Variants in C1orf74 observed in about 807,000 individuals in gnomAD.
C1orf74 encodes UPF0739 protein C1orf74.
C1orf74 carries 5 observed loss-of-function variants against 7.3 expected under a neutral mutation model. The ratio of observed to expected loss-of-function variants is 0.68; its 90% confidence interval spans 0.36 to 1.44. The LOEUF is 1.44. Among genes scored for constraint, C1orf74 ranks in the 40% most tolerant of loss-of-function variants. The probability of loss-of-function intolerance (pLI) is 0.04; values close to 1 mark genes in which losing one functional copy is unlikely to be tolerated. For synonymous variants in C1orf74, 121 were observed against 132.5 expected (o/e 0.91, Z 0.59); for missense variants, 291 against 314.3 (o/e 0.93, Z 0.56).
At position 209,782,105 on chromosome 1, in the gene C1orf74, C is replaced by G; in HGVS notation, c.*720G>C. ...GTGCTGATGGTGGTGATTGCTGCAGCACTGGCAGTGTTCCTGGCCAATAAA... is the reference window on the plus strand; with the variant it reads ...GTGCTGATGGTGGTGATTGCTGCAGGACTGGCAGTGTTCCTGGCCAATAAA... On this transcript the variant is annotated 3_prime_UTR_variant, in exon 2 of 2. Coordinates refer to ENST00000294811, the MANE Select transcript of C1orf74 (RefSeq NM_152485.4). 1 of 1,614,130 alleles carries G rather than the reference C, an allele frequency of 6.2e-7. No individual in the cohort carries two copies. The highest frequency in any genetic ancestry group is 8.5e-7 in the Non-Finnish European group (1 of 1,179,996).
Position 209,779,570 on chromosome 1 carries a change from G to A in C1orf74, c.*3255C>T. On this transcript the variant is annotated 3_prime_UTR_variant, in exon 2 of 2. Coordinates refer to ENST00000294811, the MANE Select transcript of C1orf74 (RefSeq NM_152485.4). Reference sequence around the variant, plus strand: ...CAACTAGTTAGCCTTCTATCTTGAGGTATATAAACTGTGAAAAAGGGTTTC... The same window carrying A: ...CAACTAGTTAGCCTTCTATCTTGAGATATATAAACTGTGAAAAAGGGTTTC... The A allele has an allele frequency of 1.4e-6, 1 of 694,670 alleles. No individual in the cohort carries two copies. The highest frequency in any genetic ancestry group is 2.7e-6 in the Non-Finnish European group (1 of 375,026). 43.0% of individuals were successfully genotyped at this position (694,670 alleles called of 1,614,324 possible). A position where few individuals can be genotyped will look rare whatever the true frequency, so the allele number is the denominator to read the frequency against.
In C1orf74 at chr1:209,781,384, G is replaced by A. The variant is rs750146479; in HGVS notation, c.*1441C>T. ...TTCAGAATTAGACAACCTCAGTGAC[G>A]AGTATCTCTCCTGCCTGCGTAAGCT... is the stretch of plus-strand genomic sequence containing the variant. On this transcript the variant is annotated 3_prime_UTR_variant, in exon 2 of 2. Transcript: ENST00000294811. 4.5e-5 allele frequency: 72 copies of A among 1,613,382 alleles called. No individual in the cohort carries two copies. Among genetic ancestry groups the A allele is most frequent in the Admixed American group, 1.0e-4 (6 of 59,994 alleles).
In C1orf74 at chr1:209,781,419, T is replaced by G. The variant is rs2077777390; in HGVS notation, c.*1406A>C. 1 of 1,613,572 alleles carries G rather than the reference T, an allele frequency of 6.2e-7. No homozygotes were observed. Among genetic ancestry groups the G allele is most frequent in the African/African-American group, 1.3e-5 (1 of 75,044 alleles). On this transcript the variant is annotated 3_prime_UTR_variant, in exon 2 of 2. Coordinates refer to ENST00000294811, the MANE Select transcript of C1orf74 (RefSeq NM_152485.4). ...CCTGCCTGCGTAAGCTGCAGCACTG[T>G]CGAGAAGAGCTGAACCAGAGCCAGC...
At position 209,781,078 on chromosome 1, in the gene C1orf74, CA is replaced by C. The variant is rs2077768406; in HGVS notation, c.*1746del. On this transcript the variant is annotated 3_prime_UTR_variant, in exon 2 of 2. Transcript: ENST00000294811. ...TTCATTTTTCGGTGTCTCTCATTTG[CA>C]AAGCACTTGCACGTAAAGTCATATA... The C allele has an allele frequency of 4.3e-6, 1 of 233,014 alleles. No individual in the cohort carries two copies. Among genetic ancestry groups the C allele is most frequent in the Non-Finnish European group, 8.5e-6 (1 of 117,376 alleles). 14.4% of individuals were successfully genotyped at this position (233,014 alleles called of 1,614,324 possible). A position where few individuals can be genotyped will look rare whatever the true frequency, so the allele number is the denominator to read the frequency against.
chr1:209,783,793 T>C, intron 1 of C1orf74, 84 bp from the exon 2 acceptor site: 1 of 618,216 alleles, frequency 1.6e-6, no homozygotes, highest in African/African-American at 1.9e-5. Context: ...TGTCCCTCCC[T>C]GCTTTGAAAT....
Position 209,781,474 on chromosome 1 carries a change from CT to C in C1orf74, c.*1350del. ...GCCTCCCAGAGTAAGAGGGTCTCTC[CT>C]TCCCATAAAGCCCTGGATGATGGGA... On this transcript the variant is annotated 3_prime_UTR_variant, in exon 2 of 2. Coordinates refer to ENST00000294811, the MANE Select transcript of C1orf74 (RefSeq NM_152485.4). 1 of 1,582,992 alleles carries C rather than the reference CT, an allele frequency of 6.3e-7. No homozygotes were observed. The highest frequency in any genetic ancestry group is 8.7e-7 in the Non-Finnish European group (1 of 1,152,274).
rs1571968601 is a variant in C1orf74 at position 209,780,413 on chromosome 1, G to A, written c.*2412C>T. On this transcript the variant is annotated 3_prime_UTR_variant, in exon 2 of 2. Transcript: ENST00000294811. ...CCACTCCTAGTGGTTTCACCCTCAGGGCCCTTCCTCAGAGGTGTGGGCCTC... is the reference window on the plus strand; with the variant it reads ...CCACTCCTAGTGGTTTCACCCTCAGAGCCCTTCCTCAGAGGTGTGGGCCTC... The A allele has an allele frequency of 2.1e-6, 3 of 1,433,212 alleles. No homozygotes were observed. The highest frequency in any genetic ancestry group is 2.8e-6 in the Non-Finnish European group (3 of 1,080,638). 88.8% of individuals were successfully genotyped at this position (1,433,212 alleles called of 1,614,324 possible).
Position 209,780,392 on chromosome 1 carries a change from T to C in C1orf74, c.*2433A>G. On this transcript the variant is annotated 3_prime_UTR_variant, in exon 2 of 2. Transcript: ENST00000294811. ...CCCAAGTTCCCTCCCCTCTCCCCAC[T>C]CCTAGTGGTTTCACCCTCAGGGCCC... 7.4e-7 allele frequency: 1 copy of C among 1,359,396 alleles called. No homozygotes were observed. Among genetic ancestry groups the C allele is most frequent in the Admixed American group, 2.7e-5 (1 of 37,212 alleles). The allele number at this position is 1,359,396 out of a possible 1,614,324, so 84.2% of individuals were successfully genotyped here. A position where few individuals can be genotyped will look rare whatever the true frequency, so the allele number is the denominator to read the frequency against.
chr1:209,779,958 A>C lies in C1orf74; in HGVS notation c.*2867T>G. On this transcript the variant is annotated 3_prime_UTR_variant, in exon 2 of 2. Transcript: ENST00000294811. ...GGTGACACAAACTAACAACACAGCT[A>C]TAACAACAATCCAAAACTTCTGACT... The C allele has an allele frequency of 6.1e-6, 1 of 164,056 alleles. No homozygotes were observed. The highest frequency in any genetic ancestry group is 1.3e-5 in the Non-Finnish European group (1 of 75,578). 10.2% of individuals were successfully genotyped at this position (164,056 alleles called of 1,614,324 possible).
In C1orf74 at chr1:209,779,655, G is replaced by T; in HGVS notation, c.*3170C>A. On this transcript the variant is annotated 3_prime_UTR_variant, in exon 2 of 2. Coordinates refer to ENST00000294811, the MANE Select transcript of C1orf74 (RefSeq NM_152485.4). ...TTTCAATAAATTTATTTTGAACTCA[G>T]GATTTCATGTCAATTTTTACACACT... 1 of 601,292 alleles carries T rather than the reference G, an allele frequency of 1.7e-6. No homozygotes were observed. 37.2% of individuals were successfully genotyped at this position (601,292 alleles called of 1,614,324 possible).
Position 209,781,559 on chromosome 1 carries a change from G to A in C1orf74, c.*1266C>T. 1 of 805,246 alleles carries A rather than the reference G, an allele frequency of 1.2e-6. No homozygotes were observed. The highest frequency in any genetic ancestry group is 2.1e-6 in the Non-Finnish European group (1 of 475,024). The allele number at this position is 805,246 out of a possible 1,614,324, so 49.9% of individuals were successfully genotyped here. A position where few individuals can be genotyped will look rare whatever the true frequency, so the allele number is the denominator to read the frequency against. On this transcript the variant is annotated 3_prime_UTR_variant, in exon 2 of 2. Transcript: ENST00000294811. ...ATATATCAGCCCACGCCAACAACTG[G>A]CCATCCTGTCCCACTGTGCTTGGTT...
In C1orf74 at chr1:209,780,510, C is replaced by G. The variant is rs147808288; in HGVS notation, c.*2315G>C. 2 of 1,600,536 alleles carry G rather than the reference C, an allele frequency of 1.2e-6. No individual in the cohort carries two copies. The highest frequency in any genetic ancestry group is 1.7e-6 in the Non-Finnish European group (2 of 1,173,086). Reference sequence around the variant, plus strand: ...TGTGGAGTCCAAAGTCCTTCCCTAACGAAGTGGAGCCTGAGGGTACAGGGA... The same window carrying G: ...TGTGGAGTCCAAAGTCCTTCCCTAAGGAAGTGGAGCCTGAGGGTACAGGGA... On this transcript the variant is annotated 3_prime_UTR_variant, in exon 2 of 2. Transcript: ENST00000294811.
At position 209,781,461 on chromosome 1, in the gene C1orf74, A is replaced by G. The variant is rs768790789; in HGVS notation, c.*1364T>C. On this transcript the variant is annotated 3_prime_UTR_variant, in exon 2 of 2. Coordinates refer to ENST00000294811, the MANE Select transcript of C1orf74 (RefSeq NM_152485.4). ...AGAGCCAGCAGCTGCCTCCCAGAGT[A>G]AGAGGGTCTCTCCTTCCCATAAAGC... is the stretch of plus-strand genomic sequence containing the variant. The G allele has an allele frequency of 4.4e-6, 7 of 1,607,268 alleles. No homozygotes were observed. The East Asian group carries it at 1.6e-4, about 36-fold the overall frequency.
At position 209,783,240 on chromosome 1, in the gene C1orf74, A is replaced by G. The variant is rs923385440; in HGVS notation, c.395T>C (p.Leu132Pro). 6.2e-7 allele frequency: 1 copy of G among 1,614,152 alleles called. No homozygotes were observed. The highest frequency in any genetic ancestry group is 8.5e-7 in the Non-Finnish European group (1 of 1,180,022). The change falls in exon 2 of 2, where the codon CTT becomes CCT. Residue 132 changes from leucine to proline, a missense_variant. By Grantham distance (98) the Leu-to-Pro change is moderately conservative. Coordinates refer to ENST00000294811, the MANE Select transcript of C1orf74 (RefSeq NM_152485.4). ...AGCCACGAGGGCCTTCAAGTCCTGA[A>G]GCTGGTCCAGGGAGCAGACAGAAGG... ...RHPSVCSLDQ[L>P]QDLKALVAEI...
At position 209,780,208 on chromosome 1, in the gene C1orf74, ACTAT is replaced by A. The variant is rs1382156063; in HGVS notation, c.*2613_*2616del. 1 of 260,336 alleles carries A rather than the reference ACTAT, an allele frequency of 3.8e-6. No homozygotes were observed. The highest frequency in any genetic ancestry group is 7.2e-6 in the Non-Finnish European group (1 of 139,504). 16.1% of individuals were successfully genotyped at this position (260,336 alleles called of 1,614,324 possible). ...ATTCAATTAAGAAGTATTCACTAAA[ACTAT>A]CTAGCACTAGATAAGACTGGGGATA... is the stretch of plus-strand genomic sequence containing the variant. On this transcript the variant is annotated 3_prime_UTR_variant, in exon 2 of 2. Coordinates refer to ENST00000294811, the MANE Select transcript of C1orf74 (RefSeq NM_152485.4).
In C1orf74 at chr1:209,780,345, A is replaced by T; in HGVS notation, c.*2480T>A. Reference sequence around the variant, plus strand: ...AACCTTTATGTCAGAGAATGCCATCAGTCTAGCCAAGAGCACGCCCTCCCA... The same window carrying T: ...AACCTTTATGTCAGAGAATGCCATCTGTCTAGCCAAGAGCACGCCCTCCCA... On this transcript the variant is annotated 3_prime_UTR_variant, in exon 2 of 2. Coordinates refer to ENST00000294811, the MANE Select transcript of C1orf74 (RefSeq NM_152485.4). 1.2e-6 allele frequency: 1 copy of T among 801,328 alleles called. No individual in the cohort carries two copies. Among genetic ancestry groups the T allele is most frequent in the East Asian group, 3.0e-5 (1 of 32,930 alleles). The allele number at this position is 801,328 out of a possible 1,614,324, so 49.6% of individuals were successfully genotyped here. A position where few individuals can be genotyped will look rare whatever the true frequency, so the allele number is the denominator to read the frequency against.
Position 209,783,691 on chromosome 1 carries a change from C to T in C1orf74, c.-57G>A, listed in dbSNP as rs2077813714. On this transcript the variant is annotated 5_prime_UTR_variant, in exon 2 of 2. Transcript: ENST00000294811. ...CCTTCCCTGGGTGGCATCTTTCAGC[C>T]AGACACTTGAGGAGGGGCCTAGAAA... The T allele has an allele frequency of 1.4e-6, 2 of 1,430,598 alleles. No individual in the cohort carries two copies. The highest frequency in any genetic ancestry group is 1.9e-6 in the Non-Finnish European group (2 of 1,054,960). 88.6% of individuals were successfully genotyped at this position (1,430,598 alleles called of 1,614,324 possible).
Position 209,779,675 on chromosome 1 carries a change from C to G in C1orf74, c.*3150G>C, listed in dbSNP as rs974678664. ...ACTCAGGATTTCATGTCAATTTTTA[C>G]ACACTTGATTTTCCAAATCACATCC... On this transcript the variant is annotated 3_prime_UTR_variant, in exon 2 of 2. Coordinates refer to ENST00000294811, the MANE Select transcript of C1orf74 (RefSeq NM_152485.4). The G allele has an allele frequency of 3.3e-6, 2 of 601,658 alleles. No individual in the cohort carries two copies. The highest frequency in any genetic ancestry group is 5.9e-6 in the Non-Finnish European group (2 of 339,880). The allele number at this position is 601,658 out of a possible 1,614,324, so 37.3% of individuals were successfully genotyped here.
In C1orf74 at chr1:209,780,461, C is replaced by T; in HGVS notation, c.*2364G>A. On this transcript the variant is annotated 3_prime_UTR_variant, in exon 2 of 2. Coordinates refer to ENST00000294811, the MANE Select transcript of C1orf74 (RefSeq NM_152485.4). ...CTCACTGTCACCAAGAATCTGGCTG[C>T]TTTTTTAGATCAGGCTTTGCCCGTG... 1 of 1,545,806 alleles carries T rather than the reference C, an allele frequency of 6.5e-7. No homozygotes were observed. Among genetic ancestry groups the T allele is most frequent in the South Asian group, 1.2e-5 (1 of 83,684 alleles).
Sources: allele counts gnomAD v4.1 joint callset, GRCh38; gene constraint gnomAD v4.1.1; transcripts MANE v1.5; gene names NCBI Gene and HGNC (gene_info 2026-07-23, HGNC 2026-07-21).